The following CAMK4 variants were observed in gnomAD, a reference collection of about 807,000 sequenced individuals.
CAMK4 encodes calcium/calmodulin-dependent protein kinase type IV.
CAMK4 carries 22 observed loss-of-function variants against 44.9 expected under a neutral mutation model. The observed-to-expected ratio is 0.49, with a 90% CI of 0.35 to 0.70. CAMK4 has a LOEUF of 0.70. Among genes scored for constraint, CAMK4 ranks in the 30% least tolerant of loss-of-function variants. The pLI is 0.01. For missense variants in CAMK4, 498 were observed against 586.8 expected (o/e 0.85, Z 1.56); for synonymous variants, 218 against 215.4 (o/e 1.01, Z -0.11).
At position 111,259,268 on chromosome 5, in the gene CAMK4, TTAAC is replaced by T. The variant is rs554409147; in HGVS notation, c.161+34627_161+34630del. 3.7e-4 allele frequency among the ~76,000 whole-genome samples: 56 copies of T among 152,332 alleles called. 2 individuals carry two copies. The South Asian group carries it at 0.011, about 30-fold the overall frequency. On this transcript the variant is annotated intron_variant, in intron 1 of 10. Coordinates refer to ENST00000282356, the MANE Select transcript of CAMK4 (RefSeq NM_001744.6). ...TGGCTTTTGCCATAGAATTTAATAT[TTAAC>T]TACTGACAACTTAAGAGTCTCTAAA...
chr5:111,224,668 G>GTTC lies in CAMK4; in HGVS notation c.161+24_161+25insTTC, dbSNP rs1748089297. On this transcript the variant is annotated intron_variant, in intron 1 of 10. Transcript: ENST00000282356. This position sits in a 1 kb window ranked among gnomAD's most constrained non-coding sequence, Gnocchi z 5.7. ...CGGTAAGGCGCGGGCTCCGGCTGGG[G>GTTC]AAGCCCGCGGCGTGCACTGGGGGTT... 6 of 1,591,662 alleles carry GTTC rather than the reference G, an allele frequency of 3.8e-6. No homozygotes were observed. Among genetic ancestry groups the GTTC allele is most frequent in the Non-Finnish European group, 4.3e-6 (5 of 1,169,908 alleles).
rs191619752 is a variant in CAMK4 at position 111,264,462 on chromosome 5, G to C, written c.161+39818G>C. Among the ~76,000 whole-genome samples, 15 of 152,222 alleles carry C rather than the reference G, an allele frequency of 9.9e-5. No homozygotes were observed. The East Asian group carries it at 2.3e-3, about 24-fold the overall frequency. ...TTGCATGGTTCTTGAATGCATGAAG[G>C]GTATGTTGGTTTGAAGTTTCTCCAA... On this transcript the variant is annotated intron_variant, in intron 1 of 10. Transcript: ENST00000282356.
intron 1 of CAMK4, among the ~76,000 whole-genome samples, chr5:111,294,058 A>G (rs1397797333): frequency 6.6e-6 from 1 of 152,106 alleles, no homozygotes; most frequent in African/African-American, 2.4e-5. Context: ...TACTTTTTAA[A>G]AATGACTTGC....
At chr5:111,382,220 A>G (rs576556010) in intron 4 of CAMK4, among the ~76,000 whole-genome samples, 215 of 152,282 alleles carry the variant, frequency 1.4e-3, no homozygotes, top group Non-Finnish European at 2.1e-3. Flanking sequence ...TTAATAGGTC[A>G]TAAGACCTCA....
intron 2 of CAMK4, among the ~76,000 whole-genome samples, chr5:111,371,482 A>T (rs2112815994): frequency 6.6e-6 from 1 of 152,256 alleles, no homozygotes; most frequent in Admixed American, 6.5e-5. Flanking sequence ...GCATCTCCCA[A>T]ATTAGATTGT....
At chr5:111,341,863 T>G (rs1291247642) in intron 1 of CAMK4, among the ~76,000 whole-genome samples, 1 of 151,360 alleles carries the variant, frequency 6.6e-6, no homozygotes, top group Non-Finnish European at 1.5e-5. Flanking sequence ...CTTAATCACC[T>G]TATTATTTTG....
Position 111,300,603 on chromosome 5 carries a change from G to T in CAMK4, c.162-43421G>T, listed in dbSNP as rs144123074. On this transcript the variant is annotated intron_variant, in intron 1 of 10. Transcript: ENST00000282356. The stretch of plus-strand genomic sequence containing the variant: ...TAGATGTCATGGATAAGTAGCTGAA[G>T]AAAATAATATAATTGACTTTTTAAA... 2.7e-3 allele frequency among the ~76,000 whole-genome samples: 416 copies of T among 152,240 alleles called. 5 individuals are homozygous for T. The highest frequency in any genetic ancestry group is 0.018 in the East Asian group (91 of 5,180).
In CAMK4 at chr5:111,242,145, CAT is replaced by C. The variant is rs144770657; in HGVS notation, c.161+17502_161+17503del. Among the ~76,000 whole-genome samples, 1,197 of 152,244 alleles carry C rather than the reference CAT, an allele frequency of 7.9e-3. 16 individuals are homozygous for C. Among genetic ancestry groups the C allele is most frequent in the African/African-American group, 0.028 (1,143 of 41,520 alleles). On this transcript the variant is annotated intron_variant, in intron 1 of 10. Coordinates refer to ENST00000282356, the MANE Select transcript of CAMK4 (RefSeq NM_001744.6). ...CCTGCTTGTGTAGCCCACCTCAGTA[CAT>C]GTTACCCCCATTTGCTTTGCTCCTT...
chr5:111,411,373 A>C (rs1752626336), intron 5 of CAMK4, among the ~76,000 whole-genome samples: 1 of 152,258 alleles, frequency 6.6e-6, no homozygotes, highest in Non-Finnish European at 1.5e-5. Context: ...ATGTGACAGC[A>C]GTTGTAGGTT....
intron 2 of CAMK4, among the ~76,000 whole-genome samples, chr5:111,347,585 G>A (rs957541319): frequency 6.6e-6 from 1 of 151,860 alleles, no homozygotes; most frequent in Non-Finnish European, 1.5e-5. Flanking sequence ...TCCCCTAAGT[G>A]GGGTCTCTGC....
intron 9 of CAMK4, among the ~76,000 whole-genome samples, chr5:111,481,615 C>T (rs1755436694): frequency 6.6e-6 from 1 of 152,160 alleles, no homozygotes. Flanking sequence ...TTCAAAGCTC[C>T]TTATTTTGCA....
intron 1 of CAMK4, among the ~76,000 whole-genome samples, chr5:111,327,727 T>A (rs369216236): frequency 1.5e-4 from 23 of 151,164 alleles, no homozygotes; most frequent in Middle Eastern, 3.4e-3. Flanking sequence ...GGTATCTCAT[T>A]GTGGTTTTGA....
intron 5 of CAMK4, among the ~76,000 whole-genome samples, chr5:111,408,813 A>G (rs1338436207): frequency 1.3e-5 from 2 of 152,200 alleles, no homozygotes; most frequent in East Asian, 3.8e-4. Context: ...AAATTGGCCA[A>G]AACATAGGTG....
At chr5:111,375,009 TC>T in intron 3 of CAMK4, 97 bp downstream of exon 3, 1 of 776,466 alleles carries the variant, frequency 1.3e-6, no homozygotes, top group Non-Finnish European at 2.2e-6. Flanking sequence ...GAAGGGATTC[TC>T]CCACCACTGA....
At chr5:111,390,986 A>G (rs968269894) in intron 4 of CAMK4, among the ~76,000 whole-genome samples, 1 of 152,202 alleles carries the variant, frequency 6.6e-6, no homozygotes, top group Non-Finnish European at 1.5e-5. Flanking sequence ...GAAGAAGGAT[A>G]GGTCAATACA....
chr5:111,240,155 G>A (rs909004813), intron 1 of CAMK4, among the ~76,000 whole-genome samples: 6 of 151,686 alleles, frequency 4.0e-5, no homozygotes, highest in Admixed American at 2.6e-4. Flanking sequence ...TTGCTTTGAG[G>A]TCTTATTTAC....
rs187962503 is a variant in CAMK4, at chr5:111,246,289, C to A, written c.161+21645C>A. ...ACTGCCCTGCCCAGTCTGTCTACCCCCAAGAAGGGCTTTCTGTATTCTTAT... is the reference window on the plus strand; with the variant it reads ...ACTGCCCTGCCCAGTCTGTCTACCCACAAGAAGGGCTTTCTGTATTCTTAT... On this transcript the variant is annotated intron_variant, in intron 1 of 10. Transcript: ENST00000282356. Among the ~76,000 whole-genome samples, 391 of 152,250 alleles carry A rather than the reference C, an allele frequency of 2.6e-3. 4 individuals are homozygous for A. The highest frequency in any genetic ancestry group is 9.2e-3 in the African/African-American group (384 of 41,548).
intron 1 of CAMK4, among the ~76,000 whole-genome samples, chr5:111,250,717 AC>A (rs1749448791): frequency 6.6e-6 from 1 of 151,920 alleles, no homozygotes; most frequent in Admixed American, 6.6e-5. Flanking sequence ...ATTCTCCATC[AC>A]CACTATGATC....
chr5:111,225,177 A>T (rs1358839179), intron 1 of CAMK4, among the ~76,000 whole-genome samples: 1 of 152,230 alleles, frequency 6.6e-6, no homozygotes, highest in East Asian at 1.9e-4. Context: ...TGAATCATTT[A>T]AGAGAGTTGA....
Sources: gnomAD v4.1 joint callset for allele counts (sites outside exome capture counted in the v4.1 genomes callset) on GRCh38, gnomAD v4.1.1 for gene constraint, Gnocchi (gnomAD v3.1) non-coding constraint, MANE v1.5 for transcripts, NCBI Gene and HGNC (gene_info 2026-07-23, HGNC 2026-07-21) for gene names.